The following SPATA12 variants were observed in gnomAD, a reference collection of about 807,000 sequenced individuals.
SPATA12 encodes spermatogenesis-associated protein 12.
For synonymous variants in SPATA12, 85 were observed against 89.2 expected, an observed-to-expected ratio of 0.95 and a Z score of 0.26; for missense variants, 219 against 226.4, an observed-to-expected ratio of 0.97 and a Z score of 0.21.
Position 57,073,398 on chromosome 3 carries a change from G to C in SPATA12, c.-297G>C. 1 of 334,010 alleles carries C rather than the reference G, an allele frequency of 3.0e-6. No homozygotes were observed. Among genetic ancestry groups the C allele is most frequent in the Non-Finnish European group, 5.5e-6 (1 of 183,478 alleles). The allele number at this position is 334,010 out of a possible 1,614,324, so 20.7% of individuals were successfully genotyped here. ...GGAAGGAAAGAGAGAGAAAGCCACT[G>C]GAGTTGGGCAGCGTGGGAAGCTGTG... On this transcript the variant is annotated 5_prime_UTR_variant, in exon 2 of 2. Coordinates refer to ENST00000334325, the MANE Select transcript of SPATA12 (RefSeq NM_181727.2).
chr3:57,073,855 G>A lies in SPATA12; in HGVS notation c.161G>A (p.Cys54Tyr). The change falls in exon 2 of 2, where the codon TGC becomes TAC. Residue 54 changes from cysteine to tyrosine, a missense_variant. Physicochemically the swap from Cys to Tyr is radical, Grantham distance 194. Coordinates refer to ENST00000334325, the MANE Select transcript of SPATA12 (RefSeq NM_181727.2). Reference protein sequence around the residue: ...PNKPHCALASCQGPGVLPGAA... With the variant: ...PNKPHCALASYQGPGVLPGAA... ...AAACCCCACTGTGCACTGGCATCAT[G>A]CCAGGGTCCAGGTGTCCTGCCAGGA... The A allele has an allele frequency of 6.2e-7, 1 of 1,614,228 alleles. No homozygotes were observed. The highest frequency in any genetic ancestry group is 1.1e-5 in the South Asian group (1 of 91,088).
chr3:57,072,460 G>A (rs1253732328), intron 1 of SPATA12, among the ~76,000 whole-genome samples: 3 of 151,730 alleles, frequency 2.0e-5, no homozygotes, highest in Admixed American at 6.6e-5. Context: ...AAAAAAATAG[G>A]CCAGGTGCGG....
chr3:57,069,580 C>A (rs961133965), intron 1 of SPATA12, among the ~76,000 whole-genome samples: 1 of 152,148 alleles, frequency 6.6e-6, no homozygotes, highest in African/African-American at 2.4e-5. Context: ...AAAATAAAAT[C>A]ATGTATTTGT....
chr3:57,065,115 T>C (rs1405896813), intron 1 of SPATA12, among the ~76,000 whole-genome samples: 2 of 152,208 alleles, frequency 1.3e-5, no homozygotes, highest in African/African-American at 2.4e-5. Context: ...GCATGTTTAT[T>C]TGCTGATGGG....
chr3:57,070,984 A>G (rs1370726237), intron 1 of SPATA12, among the ~76,000 whole-genome samples: 6 of 147,974 alleles, frequency 4.1e-5, no homozygotes, highest in African/African-American at 1.0e-4. Flanking sequence ...AAAAAAAAAA[A>G]AAAGAAAGAA....
rs370592616 is a variant in SPATA12, at chr3:57,073,941, C to A, written c.247C>A (p.Gln83Lys). The A allele has an allele frequency of 1.9e-6, 3 of 1,614,172 alleles. No homozygotes were observed. The highest frequency in any genetic ancestry group is 2.7e-5 in the African/African-American group (2 of 75,056). Residue 83 changes from glutamine to lysine, a missense_variant, in exon 2 of 2, where the codon CAG becomes AAG. By Grantham distance (53) the Gln-to-Lys change is moderately conservative. Transcript: ENST00000334325. ...GGATGTGTGCCAAAGTGAGACCTGT[C>A]AGAGATATTTACAAGCAGCCATCTC... is the stretch of plus-strand genomic sequence containing the variant. Reference protein sequence around the residue: ...QGDVCQSETCQRYLQAAISLD... With the variant: ...QGDVCQSETCKRYLQAAISLD...
intron 1 of SPATA12, among the ~76,000 whole-genome samples, chr3:57,069,163 C>G (rs1264191754): frequency 6.6e-6 from 1 of 152,060 alleles, no homozygotes; most frequent in African/African-American, 2.4e-5. Context: ...CCTCGTGATC[C>G]ACTTGCCTCA....
intron 1 of SPATA12, among the ~76,000 whole-genome samples, chr3:57,063,315 T>C (rs1170459225): frequency 3.9e-5 from 6 of 152,096 alleles, no homozygotes; most frequent in Non-Finnish European, 2.9e-5. Context: ...TTTGGCTTTG[T>C]TGCAGTGAAA....
At chr3:57,072,140 G>T (rs1012418404) in intron 1 of SPATA12, among the ~76,000 whole-genome samples, 1 of 152,176 alleles carries the variant, frequency 6.6e-6, no homozygotes, top group Non-Finnish European at 1.5e-5. Flanking sequence ...TGAAGATGTG[G>T]AGAAACTGGA....
chr3:57,062,742 C>A (rs996955193), intron 1 of SPATA12, among the ~76,000 whole-genome samples: 1 of 152,138 alleles, frequency 6.6e-6, no homozygotes, highest in Non-Finnish European at 1.5e-5. Context: ...CACACACATA[C>A]ATACACATAT....
chr3:57,064,974 C>T (rs1034873750), intron 1 of SPATA12, among the ~76,000 whole-genome samples: 4 of 152,054 alleles, frequency 2.6e-5, no homozygotes, highest in East Asian at 1.9e-4. Context: ...CAATAGAAGG[C>T]AAAAAATTAG....
At chr3:57,064,562 G>A (rs1274749524) in intron 1 of SPATA12, among the ~76,000 whole-genome samples, 2 of 152,120 alleles carry the variant, frequency 1.3e-5, no homozygotes, top group East Asian at 1.9e-4. Flanking sequence ...CTCAACATCC[G>A]CCTCCTCGGT....
chr3:57,073,964 C>T lies in SPATA12; in HGVS notation c.270C>T (p.Ile90=). The T allele has an allele frequency of 6.2e-7, 1 of 1,614,232 alleles. No homozygotes were observed. Among genetic ancestry groups the T allele is most frequent in the Non-Finnish European group, 8.5e-7 (1 of 1,180,034 alleles). Residue 90 remains isoleucine, a synonymous_variant, in exon 2 of 2, where the codon ATC becomes ATT. Transcript: ENST00000334325. The part of the protein sequence containing the change: ...ETCQRYLQAA[I]SLDIAVSQIN... ...GTCAGAGATATTTACAAGCAGCCAT[C>T]TCTCTTGACATCGCTGTATCCCAAA...
chr3:57,070,462 A>G (rs1705824840), intron 1 of SPATA12, among the ~76,000 whole-genome samples: 1 of 152,212 alleles, frequency 6.6e-6, no homozygotes, highest in South Asian at 2.1e-4. Flanking sequence ...AGCAGACTCA[A>G]TGACTAGGGA....
At chr3:57,062,589 A>G (rs1008478457) in intron 1 of SPATA12, among the ~76,000 whole-genome samples, 1 of 152,204 alleles carries the variant, frequency 6.6e-6, no homozygotes, top group African/African-American at 2.4e-5. Context: ...ACTGAACAAA[A>G]CAAGGTTAAA....
At chr3:57,069,282 C>A (rs1453625373) in intron 1 of SPATA12, among the ~76,000 whole-genome samples, 1 of 151,794 alleles carries the variant, frequency 6.6e-6, no homozygotes, top group African/African-American at 2.4e-5. Context: ...TTCTCTTCTC[C>A]CAGAAACAAA....
rs144001795 is a variant in SPATA12 at position 57,071,923 on chromosome 3, TAA to T, written c.-329-1441_-329-1440del. ...ATAAAGAACACTTACAACTCAATAA[TAA>T]AGAGACATATAATCCAATTTAAAAA... On this transcript the variant is annotated intron_variant, in intron 1 of 1. Coordinates refer to ENST00000334325, the MANE Select transcript of SPATA12 (RefSeq NM_181727.2). Among the ~76,000 whole-genome samples the T allele has an allele frequency of 4.8e-3, 735 of 152,130 alleles. 5 individuals carry two copies. The highest frequency in any genetic ancestry group is 0.016 in the African/African-American group (685 of 41,520).
intron 1 of SPATA12, among the ~76,000 whole-genome samples, chr3:57,072,003 T>C (rs764331240): frequency 1.3e-5 from 2 of 151,960 alleles, no homozygotes; most frequent in African/African-American, 2.4e-5. Flanking sequence ...AAATGGCCAA[T>C]AAGCACATGA....
At chr3:57,067,645 G>A (rs1705626207) in intron 1 of SPATA12, among the ~76,000 whole-genome samples, 1 of 150,690 alleles carries the variant, frequency 6.6e-6, no homozygotes, top group African/African-American at 2.4e-5. Context: ...GACCAGCCTG[G>A]GTAATACAGA....
Sources: allele counts gnomAD v4.1 joint callset (sites outside exome capture counted in the v4.1 genomes callset), GRCh38; gene constraint gnomAD v4.1.1; transcripts MANE v1.5; gene names NCBI Gene and HGNC (gene_info 2026-07-23, HGNC 2026-07-21).